Variants in CLTC observed in about 807,000 individuals in gnomAD.
CLTC encodes clathrin heavy chain 1.
A neutral mutation model predicts 195.8 loss-of-function variants in CLTC; 16 were observed. The observed-to-expected ratio is 0.08, with a 90% CI of 0.06 to 0.12. The LOEUF (loss-of-function observed/expected upper bound fraction) is 0.12. CLTC is among the 10% of genes least tolerant of loss of function. The pLI is 1.00. For missense variants in CLTC, 796 were observed against 2,027.0 expected (o/e 0.39, Z 11.66); for synonymous variants, 667 against 689.4 (o/e 0.97, Z 0.51).
At chr17:59,626,572 C>T (rs1218050863) in intron 1 of CLTC, among the ~76,000 whole-genome samples, 6 of 152,176 alleles carry the variant, frequency 3.9e-5, no homozygotes, top group Non-Finnish European at 8.8e-5. Context: ...AGTGAATCTT[C>T]TCACTTAGAT....
Position 59,621,077 on chromosome 17 carries a change from A to T in CLTC, c.42+904A>T, listed in dbSNP as rs370343219. 5.3e-5 allele frequency among the ~76,000 whole-genome samples: 8 copies of T among 152,274 alleles called. 1 individual carries two copies. The highest frequency in any genetic ancestry group is 1.9e-4 in the African/African-American group (8 of 41,558). ...CAGCTGCTCTGAGACCTGCAGGGCT[A>T]TTTGGTCTGTGACTGGCTTCCCTTT... On this transcript the variant is annotated intron_variant, in intron 1 of 31. Coordinates refer to ENST00000269122, the MANE Select transcript of CLTC (RefSeq NM_004859.4).
chr17:59,682,357 C>T lies in CLTC; in HGVS notation c.3529C>T (p.Leu1177=), dbSNP rs2033097873. Residue 1177 remains leucine (L), a synonymous_variant, in exon 22 of 32, where the codon CTG becomes TTG. Coordinates refer to ENST00000269122, the MANE Select transcript of CLTC (RefSeq NM_004859.4). This position sits in a 1 kb window ranked among gnomAD's most constrained non-coding sequence, Gnocchi z 6.8. ...TGTGGAGACAGAACTGATATTCGCA[C>T]TGGCTAAAACAAACCGCCTTGCAGA... ...SYVETELIFA[L]AKTNRLAELE... is the part of the protein sequence containing the mutation. 4 of 1,614,110 alleles carry T rather than the reference C, an allele frequency of 2.5e-6. No individual in the cohort carries two copies. Among genetic ancestry groups the T allele is most frequent in the Non-Finnish European group, 3.4e-6 (4 of 1,179,978 alleles).
At chr17:59,668,742 G>A in intron 13 of CLTC, 35 bp from the exon 14 acceptor site, 2 of 1,527,978 alleles carry the variant, frequency 1.3e-6, no homozygotes, top group Non-Finnish European at 1.8e-6. Flanking sequence ...TCAAAAGTGT[G>A]CCTATGCTTA....
chr17:59,636,134 C>T (rs1032795604), intron 1 of CLTC, among the ~76,000 whole-genome samples: 1 of 109,356 alleles, frequency 9.1e-6, no homozygotes, highest in South Asian at 2.9e-4. Context: ...AACTACGTCT[C>T]AAAAAAAAAA....
chr17:59,671,619 C>T (rs1028706103), intron 14 of CLTC, among the ~76,000 whole-genome samples: 8 of 152,156 alleles, frequency 5.3e-5, no homozygotes, highest in African/African-American at 1.9e-4. Flanking sequence ...CTGTAGAAAG[C>T]ATATAACTGT....
At chr17:59,627,070 T>C (rs1356710562) in intron 1 of CLTC, among the ~76,000 whole-genome samples, 1 of 57,252 alleles carries the variant, frequency 1.7e-5, no homozygotes, top group Non-Finnish European at 5.1e-5. Context: ...GGCTAATTTT[T>C]GTATTTTTTT....
intron 2 of CLTC, among the ~76,000 whole-genome samples, chr17:59,646,712 A>G (rs1361685994): frequency 1.3e-5 from 2 of 152,158 alleles, no homozygotes; most frequent in Non-Finnish European, 2.9e-5. Flanking sequence ...TTTTTTAACT[A>G]AATGCTTGCT....
In CLTC at chr17:59,681,916, T is replaced by A; in HGVS notation, c.3442+77T>A. The A allele has an allele frequency of 1.5e-6, 2 of 1,317,992 alleles. No homozygotes were observed. Among genetic ancestry groups the A allele is most frequent in the Non-Finnish European group, 2.1e-6 (2 of 961,296 alleles). 81.6% of individuals were successfully genotyped at this position (1,317,992 alleles called of 1,614,324 possible). On this transcript the variant is annotated intron_variant, in intron 21 of 31. Coordinates refer to ENST00000269122, the MANE Select transcript of CLTC (RefSeq NM_004859.4). The surrounding 1 kb of genome is among the most constrained non-coding windows in gnomAD (Gnocchi z 5.0). Reference sequence around the variant, plus strand: ...CATTAAGATATCTGTCTATTCTGAATTTTAGAAGAGTTGGATACTGCATGG... The same window carrying A: ...CATTAAGATATCTGTCTATTCTGAAATTTAGAAGAGTTGGATACTGCATGG...
intron 5 of CLTC, among the ~76,000 whole-genome samples, chr17:59,653,295 G>A (rs956063054): frequency 2.6e-5 from 4 of 151,330 alleles, no homozygotes; most frequent in Admixed American, 6.6e-5. Flanking sequence ...CTGGGTTCAC[G>A]CCATTCTCCT....
chr17:59,620,262 G>C, intron 1 of CLTC, 89 bp downstream of exon 1: 2 of 1,410,262 alleles, frequency 1.4e-6, no homozygotes, highest in East Asian at 2.3e-5. Context: ...CAGTATCGGA[G>C]CTGGAGGGGC....
intron 31 of CLTC, 93 bp from the exon 32 acceptor site, chr17:59,693,635 A>G: frequency 7.2e-7 from 1 of 1,382,354 alleles, no homozygotes; most frequent in East Asian, 2.6e-5. Flanking sequence ...TTATGTTGCT[A>G]GAGTGGAGGA....
At position 59,666,292 on chromosome 17, in the gene CLTC, G is replaced by A. The variant is rs771780845; in HGVS notation, c.1782+52G>A. On this transcript the variant is annotated intron_variant, in intron 11 of 31. Transcript: ENST00000269122. This position sits in a 1 kb window ranked among gnomAD's most constrained non-coding sequence, Gnocchi z 4.9. ...TGTTTCCAACATTGTTTTAGTAATTGTGCAGCGCCTCTCAGATTGTTATGC... is the reference window on the plus strand; with the variant it reads ...TGTTTCCAACATTGTTTTAGTAATTATGCAGCGCCTCTCAGATTGTTATGC... 6.3e-7 allele frequency: 1 copy of A among 1,595,418 alleles called. No individual in the cohort carries two copies. The highest frequency in any genetic ancestry group is 1.1e-5 in the South Asian group (1 of 90,220).
chr17:59,691,146 A>G (rs2033288819), intron 31 of CLTC, among the ~76,000 whole-genome samples: 1 of 152,188 alleles, frequency 6.6e-6, no homozygotes, highest in Non-Finnish European at 1.5e-5. Context: ...CCATTTGAGA[A>G]CTTTCCAGAG....
At chr17:59,633,659 G>C (rs1201252929) in intron 1 of CLTC, among the ~76,000 whole-genome samples, 2 of 50,896 alleles carry the variant, frequency 3.9e-5, no homozygotes, top group Non-Finnish European at 4.9e-5. Flanking sequence ...CCTCAGTATA[G>C]GGTAGAAAGA....
chr17:59,648,686 AT>A lies in CLTC; in HGVS notation c.681+293del, dbSNP rs1598214749. The stretch of plus-strand genomic sequence containing the variant: ...TTTGATTTAGTAGGTGTTGCCTATA[AT>A]TTTTTTTGTTTATTTGTTGCTTTTT... On this transcript the variant is annotated intron_variant, in intron 4 of 31. Coordinates refer to ENST00000269122, the MANE Select transcript of CLTC (RefSeq NM_004859.4). The surrounding 1 kb of genome is among the most constrained non-coding windows in gnomAD (Gnocchi z 4.5). The A allele has an allele frequency of 1.1e-4, 27 of 253,018 alleles. No individual in the cohort carries two copies. Among genetic ancestry groups the A allele is most frequent in the South Asian group, 3.3e-4 (4 of 12,246 alleles). The allele number at this position is 253,018 out of a possible 1,614,324, so 15.7% of individuals were successfully genotyped here.
intron 9 of CLTC, among the ~76,000 whole-genome samples, chr17:59,664,252 T>C (rs2032672828): frequency 6.6e-6 from 1 of 152,176 alleles, no homozygotes; most frequent in Admixed American, 6.5e-5. Context: ...TATTCATTTA[T>C]TGAAAATGGA....
chr17:59,683,868 T>C lies in CLTC; in HGVS notation c.4324-7T>C. The C allele has an allele frequency of 6.2e-7, 1 of 1,613,188 alleles. No homozygotes were observed. Among genetic ancestry groups the C allele is most frequent in the Non-Finnish European group, 8.5e-7 (1 of 1,179,280 alleles). Reference sequence around the variant, plus strand: ...GCTATATTTGTAACAAACTCTTTATTTTAAAGGTTAAACAGCTACCACTGG... The same window carrying C: ...GCTATATTTGTAACAAACTCTTTATCTTAAAGGTTAAACAGCTACCACTGG... On this transcript the variant is annotated splice_polypyrimidine_tract_variant and splice_region_variant and intron_variant, in intron 27 of 31. Coordinates refer to ENST00000269122, the MANE Select transcript of CLTC (RefSeq NM_004859.4). This position sits in a 1 kb window ranked among gnomAD's most constrained non-coding sequence, Gnocchi z 6.1.
Position 59,644,794 on chromosome 17 carries a change from G to A in CLTC, c.250+311G>A, listed in dbSNP as rs1037615978. ...TCTCGAACTCCTAACCTCATGATCC[G>A]CCTGCCTCGGCCTCCCAGAGTGCTG... is the stretch of plus-strand genomic sequence containing the variant. On this transcript the variant is annotated intron_variant, in intron 2 of 31. Coordinates refer to ENST00000269122, the MANE Select transcript of CLTC (RefSeq NM_004859.4). Among the ~76,000 whole-genome samples the A allele has an allele frequency of 2.0e-5, 3 of 152,136 alleles. No homozygotes were observed. The East Asian group carries it at 5.8e-4, about 29-fold the overall frequency.
intron 14 of CLTC, among the ~76,000 whole-genome samples, chr17:59,671,759 C>T (rs2032853312): frequency 6.6e-6 from 1 of 152,202 alleles, no homozygotes; most frequent in African/African-American, 2.4e-5. Flanking sequence ...CTAACCTTGT[C>T]CTGCCGAAGG....
Sources: allele counts gnomAD v4.1 joint callset (sites outside exome capture counted in the v4.1 genomes callset), GRCh38; gene constraint gnomAD v4.1.1; non-coding constraint Gnocchi (gnomAD v3.1); transcripts MANE v1.5; gene names NCBI Gene and HGNC (gene_info 2026-07-23, HGNC 2026-07-21).